The following CTNNA1 variants were observed in gnomAD, a reference collection of about 807,000 sequenced individuals.
CTNNA1 encodes catenin alpha-1.
CTNNA1 carries 37 observed loss-of-function variants against 98.4 expected under a neutral mutation model. That is an observed-to-expected ratio of 0.38 (90% CI 0.29 to 0.49). The LOEUF (loss-of-function observed/expected upper bound fraction) is 0.49, where lower values mean the gene tolerates loss of function less well. CTNNA1 is among the 20% of genes least tolerant of loss of function. CTNNA1 has a pLI of 0.95. For synonymous variants in CTNNA1, 404 were observed against 413.2 expected (o/e 0.98, Z 0.27); for missense variants, 761 against 1,147.2 (o/e 0.66, Z 4.86).
chr5:138,890,301 CA>C (rs1178984892), intron 9 of CTNNA1, among the ~76,000 whole-genome samples: 1 of 152,044 alleles, frequency 6.6e-6, no homozygotes, highest in Non-Finnish European at 1.5e-5. Flanking sequence ...TGCTAATCAC[CA>C]GAAGTTAGTG....
intron 3 of CTNNA1, among the ~76,000 whole-genome samples, chr5:138,798,405 T>C (rs1201439913): frequency 2.0e-5 from 3 of 152,220 alleles, no homozygotes; most frequent in Non-Finnish European, 2.9e-5. Flanking sequence ...GGGAGAGAAG[T>C]AGTTATATTC....
At chr5:138,907,443 T>C (rs1759515927) in intron 10 of CTNNA1, among the ~76,000 whole-genome samples, 1 of 152,254 alleles carries the variant, frequency 6.6e-6, no homozygotes. Flanking sequence ...AACTCTTCTG[T>C]GTGCTGCCTC....
At chr5:138,813,421 G>A (rs1283139843) in intron 5 of CTNNA1, among the ~76,000 whole-genome samples, 2 of 152,200 alleles carry the variant, frequency 1.3e-5, no homozygotes, top group African/African-American at 4.8e-5. Flanking sequence ...AAAGGAGTCT[G>A]CCTGACTCAG....
Position 138,873,364 on chromosome 5 carries a change from A to G in CTNNA1, c.1063-12848A>G, listed in dbSNP as rs377375104. The stretch of plus-strand genomic sequence containing the variant: ...CGGTAGTAACTGCTATGCCTGCAGT[A>G]GTTGGGATTTCTTTGTCTCCCACAT... On this transcript the variant is annotated intron_variant, in intron 7 of 17. Coordinates refer to ENST00000302763, the MANE Select transcript of CTNNA1 (RefSeq NM_001903.5). The surrounding 1 kb of genome is among the most constrained non-coding windows in gnomAD (Gnocchi z 6.1). 2.7e-5 allele frequency: 43 copies of G among 1,613,816 alleles called. No individual in the cohort carries two copies. In the African/African-American group the frequency reaches 5.1e-4, roughly 19 times the overall value.
At chr5:138,818,840 G>A (rs966125992) in intron 5 of CTNNA1, among the ~76,000 whole-genome samples, 22 of 152,110 alleles carry the variant, frequency 1.4e-4, no homozygotes, top group South Asian at 2.1e-4. Context: ...ACAGGTGCTC[G>A]CGGTGGCTGT....
intron 3 of CTNNA1, among the ~76,000 whole-genome samples, chr5:138,791,245 G>T (rs1005941538): frequency 6.6e-6 from 1 of 152,048 alleles, no homozygotes; most frequent in Non-Finnish European, 1.5e-5. Flanking sequence ...CATTTTCCTT[G>T]AGTAGAAGAT....
chr5:138,904,257 T>C, intron 9 of CTNNA1, 92 bp from the exon 10 acceptor site: 1 of 1,452,170 alleles, frequency 6.9e-7, no homozygotes, highest in Non-Finnish European at 9.2e-7. Context: ...TTGTCATCTG[T>C]TCCAGAATGG....
chr5:138,819,809 C>G (rs1049545068), intron 5 of CTNNA1, among the ~76,000 whole-genome samples: 3 of 124,432 alleles, frequency 2.4e-5, no homozygotes, highest in African/African-American at 9.4e-5. Flanking sequence ...ATTGTAGTCC[C>G]CAGTGTTGGA....
At position 138,819,160 on chromosome 5, in the gene CTNNA1, G is replaced by A. The variant is rs1302000639; in HGVS notation, c.589-5370G>A. On this transcript the variant is annotated intron_variant, in intron 5 of 17. Coordinates refer to ENST00000302763, the MANE Select transcript of CTNNA1 (RefSeq NM_001903.5). Reference sequence around the variant, plus strand: ...GAACCTGAGCCAATAGGGCTCAGTGGCAAGTTGGAGCCTAGAGGATGAGGC... The same window carrying A: ...GAACCTGAGCCAATAGGGCTCAGTGACAAGTTGGAGCCTAGAGGATGAGGC... 2.6e-5 allele frequency among the ~76,000 whole-genome samples: 4 copies of A among 152,108 alleles called. No individual in the cohort carries two copies. The East Asian group carries it at 7.7e-4, about 29-fold the overall frequency.
intron 5 of CTNNA1, among the ~76,000 whole-genome samples, chr5:138,819,146 A>C (rs1318293146): frequency 6.6e-6 from 1 of 152,112 alleles, no homozygotes; most frequent in Non-Finnish European, 1.5e-5. Context: ...AACCTGAGCC[A>C]ATAGGGCTCA....
At chr5:138,799,249 C>T (rs569281943) in intron 3 of CTNNA1, among the ~76,000 whole-genome samples, 42 of 152,280 alleles carry the variant, frequency 2.8e-4, no homozygotes, top group African/African-American at 9.9e-4. Context: ...CAACCTCTGC[C>T]TTCCGGGTTC....
Position 138,783,213 on chromosome 5 carries a change from TC to T in CTNNA1, c.143del (p.Ser48LeufsTer47). ...TLVNTNSKGP[S>X]NKKRGRSKKA... ...TGTAAACACCAATAGTAAAGGGCCCTCTAATAAGAAGAGAGGTCGTTCTAAG... is the reference window on the plus strand; with the variant it reads ...TGTAAACACCAATAGTAAAGGGCCCTTAATAAGAAGAGAGGTCGTTCTAAG... On this transcript the variant is annotated frameshift_variant, in exon 3 of 18. Transcript: ENST00000302763. LOFTEE classifies it high-confidence loss of function. 4 of 1,613,624 alleles carry T rather than the reference TC, an allele frequency of 2.5e-6. No homozygotes were observed. The highest frequency in any genetic ancestry group is 3.4e-6 in the Non-Finnish European group (4 of 1,179,640).
At chr5:138,824,897 A>C (rs1760485743) in intron 6 of CTNNA1, 98 bp downstream of exon 6, 1 of 1,093,580 alleles carries the variant, frequency 9.1e-7, no homozygotes, top group African/African-American at 1.6e-5. Context: ...ATGATAGCTC[A>C]ATTTCCACTT....
chr5:138,798,404 G>A (rs1230844236), intron 3 of CTNNA1, among the ~76,000 whole-genome samples: 2 of 152,210 alleles, frequency 1.3e-5, no homozygotes, highest in African/African-American at 4.8e-5. Flanking sequence ...TGGGAGAGAA[G>A]TAGTTATATT....
At chr5:138,826,053 C>T (rs1329704431) in intron 6 of CTNNA1, among the ~76,000 whole-genome samples, 2 of 152,148 alleles carry the variant, frequency 1.3e-5, no homozygotes, top group African/African-American at 4.8e-5. Flanking sequence ...GGCTCTGTTA[C>T]TCTATTAAAA....
At chr5:138,920,637 C>G (rs923808499) in intron 11 of CTNNA1, among the ~76,000 whole-genome samples, 15 of 152,180 alleles carry the variant, frequency 9.9e-5, no homozygotes, top group Non-Finnish European at 1.9e-4. Context: ...GGGCTTGAGG[C>G]CCTTTGGTAC....
chr5:138,837,611 CCTCTTTT>C (rs1370124786), intron 7 of CTNNA1, among the ~76,000 whole-genome samples: 1 of 147,262 alleles, frequency 6.8e-6, no homozygotes, highest in Non-Finnish European at 1.5e-5. Flanking sequence ...TCTCCTCTCT[CCTCTTTT>C]TGGTTTTGTT....
chr5:138,921,062 C>G (rs1292715142), intron 11 of CTNNA1, among the ~76,000 whole-genome samples: 1 of 152,130 alleles, frequency 6.6e-6, no homozygotes, highest in South Asian at 2.1e-4. Flanking sequence ...CTCCTCACCC[C>G]CAAGCTATTC....
At chr5:138,836,773 A>G (rs892668554) in intron 7 of CTNNA1, among the ~76,000 whole-genome samples, 3 of 152,224 alleles carry the variant, frequency 2.0e-5, no homozygotes, top group Non-Finnish European at 4.4e-5. Flanking sequence ...AGCAGGGTTG[A>G]AAAGACTTCA....
Sources: allele counts gnomAD v4.1 joint callset (sites outside exome capture counted in the v4.1 genomes callset), GRCh38; gene constraint gnomAD v4.1.1; non-coding constraint Gnocchi (gnomAD v3.1); transcripts MANE v1.5; gene names NCBI Gene and HGNC (gene_info 2026-07-23, HGNC 2026-07-21).